The following LIN7A variants were observed in gnomAD, a reference collection of about 807,000 sequenced individuals.
The protein encoded by LIN7A is protein lin-7 homolog A.
Under a neutral mutation model 29.8 loss-of-function variants are expected in LIN7A, and 25 were observed. The observed-to-expected ratio is 0.84, with a 90% CI of 0.61 to 1.17. The LOEUF (loss-of-function observed/expected upper bound fraction) is 1.17, where lower values mean the gene tolerates loss of function less well. Ranked by LOEUF, LIN7A falls within the 50% of genes most tolerant of loss-of-function variation. The probability of loss-of-function intolerance (pLI) is 0.00; values close to 1 mark genes in which losing one functional copy is unlikely to be tolerated. For missense variants in LIN7A, 239 were observed against 287.0 expected (o/e 0.83, Z 1.21); for synonymous variants, 118 against 107.5 (o/e 1.10, Z -0.60).
chr12:80,870,597 A>C (rs1874378562), intron 2 of LIN7A, among the ~76,000 whole-genome samples: 1 of 152,168 alleles, frequency 6.6e-6, no homozygotes, highest in South Asian at 2.1e-4. Context: ...AGATACACTA[A>C]ATCATAACTT....
At chr12:80,914,558 T>C in intron 1 of LIN7A, among the ~76,000 whole-genome samples, 1 of 152,208 alleles carries the variant, frequency 6.6e-6, no homozygotes, top group Non-Finnish European at 1.5e-5. Context: ...AAAAGAAGCT[T>C]ATTAATCTGC....
intron 1 of LIN7A, among the ~76,000 whole-genome samples, chr12:80,925,104 A>G (rs1461865949): frequency 6.6e-6 from 1 of 152,220 alleles, no homozygotes; most frequent in Non-Finnish European, 1.5e-5. Flanking sequence ...TACTCAGCAA[A>G]TGTTTGAGCA....
chr12:80,796,705 T>C lies in LIN7A; in HGVS notation c.*1022A>G, dbSNP rs1382297083. ...TGTGACACAAATATTTGAATATATA[T>C]GCACATATAATTTAGTTTTGCTAAG... On this transcript the variant is annotated 3_prime_UTR_variant, in exon 6 of 6. Transcript: ENST00000552864. The C allele has an allele frequency of 6.6e-6, 1 of 152,074 alleles. No individual in the cohort carries two copies. The highest frequency in any genetic ancestry group is 1.5e-5 in the Non-Finnish European group (1 of 68,010). The allele number at this position is 152,074 out of a possible 1,614,324, so 9.4% of individuals were successfully genotyped here.
intron 1 of LIN7A, among the ~76,000 whole-genome samples, chr12:80,928,007 TTC>T (rs1399837612): frequency 6.6e-6 from 1 of 152,192 alleles, no homozygotes; most frequent in Non-Finnish European, 1.5e-5. Flanking sequence ...GGTTTCCAGC[TTC>T]ATCCATGTCC....
chr12:80,814,353 T>C (rs1467993420), intron 4 of LIN7A, among the ~76,000 whole-genome samples: 1 of 152,194 alleles, frequency 6.6e-6, no homozygotes, highest in Non-Finnish European at 1.5e-5. Flanking sequence ...GAAAACTTGG[T>C]GATTTGGTTG....
At chr12:80,883,284 G>A (rs769236120) in intron 2 of LIN7A, among the ~76,000 whole-genome samples, 1 of 152,052 alleles carries the variant, frequency 6.6e-6, no homozygotes, top group Non-Finnish European at 1.5e-5. Flanking sequence ...ACCCAACCAA[G>A]CATTGACTCT....
chr12:80,846,072 A>G, intron 3 of LIN7A, 133 bp from the exon 4 acceptor site: 1 of 755,192 alleles, frequency 1.3e-6, no homozygotes, highest in Non-Finnish European at 2.0e-6. Flanking sequence ...GAAAGAACAC[A>G]AAAAGCAGAG....
intron 2 of LIN7A, among the ~76,000 whole-genome samples, chr12:80,878,840 T>C (rs1008995559): frequency 2.6e-5 from 4 of 152,168 alleles, no homozygotes; most frequent in Non-Finnish European, 4.4e-5. Context: ...TACAAACCTC[T>C]AGCTAGTCAC....
In LIN7A at chr12:80,922,832, C is replaced by T. The variant is rs532302106; in HGVS notation, c.82+14809G>A. ...AAACCCCTTGCCTTCCATCTCTGTC[C>T]GGGACATGAATCATCCCTTTGTCCT... On this transcript the variant is annotated intron_variant, in intron 1 of 5. Transcript: ENST00000552864. Among the ~76,000 whole-genome samples, 20 of 152,144 alleles carry T rather than the reference C, an allele frequency of 1.3e-4. No individual in the cohort carries two copies. The East Asian group carries it at 3.3e-3, about 25-fold the overall frequency.
chr12:80,892,657 T>C (rs1215038678), intron 1 of LIN7A, among the ~76,000 whole-genome samples: 5 of 152,100 alleles, frequency 3.3e-5, no homozygotes, highest in Admixed American at 1.3e-4. Flanking sequence ...GAACAGTGGT[T>C]TTCAACCTTA....
intron 2 of LIN7A, among the ~76,000 whole-genome samples, chr12:80,861,682 G>A (rs1873891683): frequency 6.6e-6 from 1 of 152,226 alleles, no homozygotes; most frequent in Non-Finnish European, 1.5e-5. Flanking sequence ...ATCCTTGGTT[G>A]CAAAGCGAGG....
chr12:80,929,445 C>T (rs893876644), intron 1 of LIN7A, among the ~76,000 whole-genome samples: 3 of 152,150 alleles, frequency 2.0e-5, no homozygotes, highest in Non-Finnish European at 4.4e-5. Context: ...CTATGGTGCT[C>T]ATTCAAAATA....
chr12:80,874,923 C>A (rs191781471), intron 2 of LIN7A, among the ~76,000 whole-genome samples: 2 of 152,290 alleles, frequency 1.3e-5, no homozygotes, highest in African/African-American at 4.8e-5. Flanking sequence ...ATGGCATGAA[C>A]CCAGGAGGCA....
Position 80,874,521 on chromosome 12 carries a change from C to A in LIN7A, c.201+14730G>T, listed in dbSNP as rs145634367. ...AACAAATATATGAGAAAATAGAATACCATAAGACAATACATTGTGTTGTGT... is the reference window on the plus strand; with the variant it reads ...AACAAATATATGAGAAAATAGAATAACATAAGACAATACATTGTGTTGTGT... On this transcript the variant is annotated intron_variant, in intron 2 of 5. Transcript: ENST00000552864. Among the ~76,000 whole-genome samples, 265 of 151,982 alleles carry A rather than the reference C, an allele frequency of 1.7e-3. 2 individuals carry two copies. The East Asian group carries it at 0.037, about 21-fold the overall frequency.
chr12:80,907,463 T>C (rs1876545192), intron 1 of LIN7A, among the ~76,000 whole-genome samples: 1 of 152,188 alleles, frequency 6.6e-6, no homozygotes, highest in Non-Finnish European at 1.5e-5. Context: ...GACTTGGAAG[T>C]CAACAGTCCT....
chr12:80,915,171 A>C (rs559214980), intron 1 of LIN7A, among the ~76,000 whole-genome samples: 44 of 151,882 alleles, frequency 2.9e-4, no homozygotes, highest in African/African-American at 8.9e-4. Flanking sequence ...AAAAAACAAA[A>C]AAACAAAAAA....
intron 5 of LIN7A, among the ~76,000 whole-genome samples, chr12:80,809,418 A>G (rs2033973458): frequency 6.6e-6 from 1 of 152,272 alleles, no homozygotes; most frequent in Non-Finnish European, 1.5e-5. Flanking sequence ...AGTTCACTTC[A>G]AATACACATT....
At chr12:80,884,027 A>T (rs1875202176) in intron 2 of LIN7A, among the ~76,000 whole-genome samples, 1 of 152,220 alleles carries the variant, frequency 6.6e-6, no homozygotes, top group Non-Finnish European at 1.5e-5. Flanking sequence ...AAGACAAAAA[A>T]ATCTCTTTAT....
chr12:80,860,264 G>A (rs554415593), intron 2 of LIN7A, among the ~76,000 whole-genome samples: 6 of 152,138 alleles, frequency 3.9e-5, no homozygotes, highest in African/African-American at 7.2e-5. Context: ...ATCTGTTACC[G>A]CACAGACTGC....
Sources: gnomAD v4.1 joint callset for allele counts (sites outside exome capture counted in the v4.1 genomes callset) on GRCh38, gnomAD v4.1.1 for gene constraint, MANE v1.5 for transcripts, NCBI Gene and HGNC (gene_info 2026-07-23, HGNC 2026-07-21) for gene names.